Variants in DTNA observed in about 807,000 individuals in gnomAD.
DTNA encodes the protein dystrophin-related protein 3.
A neutral mutation model predicts 100.7 loss-of-function variants in DTNA; 43 were observed. That is an observed-to-expected ratio of 0.43 (90% CI 0.33 to 0.55). The LOEUF is 0.55. Among genes scored for constraint, DTNA ranks in the 20% least tolerant of loss-of-function variants. The pLI, the probability that DTNA is intolerant of heterozygous loss-of-function variation, is 0.04. For missense variants in DTNA, 798 were observed against 953.9 expected (o/e 0.84, Z 2.15); for synonymous variants, 349 against 347.9 (o/e 1.00, Z -0.04).
At chr18:34,644,013 C>T (rs2148415488) in intron 1 of DTNA, among the ~76,000 whole-genome samples, 1 of 152,204 alleles carries the variant, frequency 6.6e-6, no homozygotes, top group South Asian at 2.1e-4. Flanking sequence ...AATTATCTAT[C>T]ACTCTTATCA....
At chr18:34,683,290 T>C (rs1202116696) in intron 1 of DTNA, among the ~76,000 whole-genome samples, 2 of 152,194 alleles carry the variant, frequency 1.3e-5, no homozygotes. Flanking sequence ...AGTGTCTGTC[T>C]TTCTTGATAA....
At chr18:34,861,731 G>C (rs1022245355) in intron 16 of DTNA, among the ~76,000 whole-genome samples, 2 of 152,056 alleles carry the variant, frequency 1.3e-5, no homozygotes, top group Non-Finnish European at 2.9e-5. Flanking sequence ...AAGATTGAAT[G>C]AAGACACTCT....
chr18:34,818,085 T>C (rs896339028), intron 7 of DTNA, 79 bp from the exon 8 acceptor site: 7 of 1,611,144 alleles, frequency 4.3e-6, no homozygotes, highest in Non-Finnish European at 5.9e-6. Context: ...AAAGGTGCAA[T>C]TCCTGTAAGG....
chr18:34,722,734 C>T (rs1450986114), intron 1 of DTNA, among the ~76,000 whole-genome samples: 1 of 152,012 alleles, frequency 6.6e-6, no homozygotes, highest in Non-Finnish European at 1.5e-5. Context: ...CTCCCCCATC[C>T]CAAGCAACCA....
In DTNA at chr18:34,671,202, G is replaced by A. The variant is rs563716478; in HGVS notation, c.-1-84774G>A. Reference sequence around the variant, plus strand: ...CTGTGCTAGCAATGAGTGAGGCTCCGTGGGTGGGGCGTGAGACCCTCCGAG... The same window carrying A: ...CTGTGCTAGCAATGAGTGAGGCTCCATGGGTGGGGCGTGAGACCCTCCGAG... On this transcript the variant is annotated intron_variant, in intron 1 of 19. Transcript: ENST00000283365. Among the ~76,000 whole-genome samples the A allele has an allele frequency of 9.8e-5, 15 of 152,324 alleles. No homozygotes were observed. In the East Asian group the frequency reaches 2.3e-3, roughly 24 times the overall value.
intron 1 of DTNA, among the ~76,000 whole-genome samples, chr18:34,722,376 A>T (rs570808162): frequency 6.6e-6 from 1 of 152,240 alleles, no homozygotes; most frequent in South Asian, 2.1e-4. Context: ...TAGCAACAGG[A>T]AAGATTATTA....
chr18:34,880,200 C>T (rs139596019), intron 20 of DTNA, among the ~76,000 whole-genome samples: 2 of 152,242 alleles, frequency 1.3e-5, no homozygotes, highest in East Asian at 3.9e-4. Flanking sequence ...ATAAAGAAAT[C>T]CAGTTTGGTT....
rs147588866 is a variant in DTNA at position 34,634,854 on chromosome 18, G to A, written c.-1-121122G>A. Reference sequence around the variant, plus strand: ...AAAATCTATTATCTTAGCAATTTTCGAGAATACAATACATTGTTATTAACT... The same window carrying A: ...AAAATCTATTATCTTAGCAATTTTCAAGAATACAATACATTGTTATTAACT... On this transcript the variant is annotated intron_variant, in intron 1 of 19. Transcript: ENST00000283365. Among the ~76,000 whole-genome samples, 242 of 152,056 alleles carry A rather than the reference G, an allele frequency of 1.6e-3. 2 individuals are homozygous for A. The East Asian group carries it at 0.021, about 13-fold the overall frequency.
rs2096954967 is a variant in DTNA at position 34,889,934 on chromosome 18, A to G, written c.*2200A>G. On this transcript the variant is annotated 3_prime_UTR_variant, in exon 23 of 23. Transcript: ENST00000444659. ...TGTGAACCCATACCTCTCTAGATGG[A>G]GCAGGTGGCCACTGGTGCCTCATAC... is the stretch of plus-strand genomic sequence containing the variant. 19 of 1,049,334 alleles carry G rather than the reference A, an allele frequency of 1.8e-5. No homozygotes were observed. Among genetic ancestry groups the G allele is most frequent in the Non-Finnish European group, 2.1e-5 (18 of 869,514 alleles). 65.0% of individuals were successfully genotyped at this position (1,049,334 alleles called of 1,614,324 possible). A position where few individuals can be genotyped will look rare whatever the true frequency, so the allele number is the denominator to read the frequency against.
intron 1 of DTNA, among the ~76,000 whole-genome samples, chr18:34,552,266 A>T (rs1032160235): frequency 6.6e-6 from 1 of 152,106 alleles, no homozygotes; most frequent in Non-Finnish European, 1.5e-5. Flanking sequence ...AGATGGTAGT[A>T]TGTTGTAATC....
intron 1 of DTNA, among the ~76,000 whole-genome samples, chr18:34,630,419 T>G (rs1177281611): frequency 6.6e-6 from 1 of 152,224 alleles, no homozygotes; most frequent in Non-Finnish European, 1.5e-5. Context: ...ATCATTTTAC[T>G]CTGTAATAAT....
intron 1 of DTNA, among the ~76,000 whole-genome samples, chr18:34,526,871 A>C (rs1384694509): frequency 6.6e-6 from 1 of 152,122 alleles, no homozygotes; most frequent in Non-Finnish European, 1.5e-5. Context: ...AAGCTGAAAC[A>C]CATCATTTTG....
At chr18:34,521,576 T>G (rs2042152983) in intron 1 of DTNA, among the ~76,000 whole-genome samples, 1 of 152,128 alleles carries the variant, frequency 6.6e-6, no homozygotes, top group Non-Finnish European at 1.5e-5. Flanking sequence ...CCTCTCTAGC[T>G]TCATCTCATA....
chr18:34,765,934 C>CT (rs2093444501), intron 2 of DTNA, 27 bp from the exon 3 acceptor site: 1 of 1,610,142 alleles, frequency 6.2e-7, no homozygotes. Context: ...CATGGCATAC[C>CT]TTATGTGTCC....
chr18:34,516,816 A>C (rs947676696), intron 1 of DTNA, among the ~76,000 whole-genome samples: 2 of 152,094 alleles, frequency 1.3e-5, no homozygotes, highest in South Asian at 2.1e-4. Context: ...GTTCAAACAC[A>C]CATGCTCTAC....
chr18:34,840,238 T>A (rs1229494425), intron 13 of DTNA, among the ~76,000 whole-genome samples: 1 of 152,178 alleles, frequency 6.6e-6, no homozygotes, highest in East Asian at 1.9e-4. Flanking sequence ...TCCATCTCTT[T>A]CTTCAAATTT....
intron 3 of DTNA, among the ~76,000 whole-genome samples, chr18:34,793,490 TTAAC>T (rs1442508966): frequency 4.6e-5 from 7 of 152,216 alleles, no homozygotes; most frequent in Non-Finnish European, 8.8e-5. Flanking sequence ...CCTGCCTACC[TTAAC>T]TTTCTTTTTT....
At chr18:34,669,219 G>A (rs977031324) in intron 1 of DTNA, among the ~76,000 whole-genome samples, 10 of 152,118 alleles carry the variant, frequency 6.6e-5, no homozygotes, top group Non-Finnish European at 1.2e-4. Context: ...TTGGTTTAAA[G>A]TCTGTTTTAT....
chr18:34,765,132 G>A (rs1408426915), intron 2 of DTNA, among the ~76,000 whole-genome samples: 1 of 152,160 alleles, frequency 6.6e-6, no homozygotes, highest in African/African-American at 2.4e-5. Context: ...AGACGAGCTT[G>A]GATTCTGAGC....
Sources: allele counts gnomAD v4.1 joint callset (sites outside exome capture counted in the v4.1 genomes callset), GRCh38; gene constraint gnomAD v4.1.1; transcripts MANE v1.5; gene names NCBI Gene and HGNC (gene_info 2026-07-23, HGNC 2026-07-21).